The following ZNF454 variants were observed in gnomAD, a reference collection of about 807,000 sequenced individuals.
ZNF454 encodes the protein zinc finger protein 454.
A neutral mutation model predicts 48.2 loss-of-function variants in ZNF454; 30 were observed. The ratio of observed to expected loss-of-function variants is 0.62; its 90% CI spans 0.47 to 0.84. The LOEUF is 0.84. ZNF454 is among the 40% of genes least tolerant of loss of function. ZNF454 has a pLI of 0.00. For synonymous variants in ZNF454, 204 were observed against 211.4 expected, an observed-to-expected ratio of 0.97 and a Z score of 0.30; for missense variants, 510 against 623.1, an observed-to-expected ratio of 0.82 and a Z score of 1.93.
At chr5:178,981,419 T>A in the ZNF454 span, 1 of 498,886 alleles carries the variant, frequency 2.0e-6, no homozygotes, top group Non-Finnish European at 3.6e-6. The surrounding 1 kb of genome is among the most constrained non-coding windows in gnomAD (Gnocchi z 5.1). Flanking sequence ...CGGTGGCTGT[T>A]TCCCACCATG....
chr5:178,987,026 C>G, the ZNF454 span: 3 of 1,600,514 alleles, frequency 1.9e-6, no homozygotes, highest in Non-Finnish European at 2.6e-6. Flanking sequence ...TCCAGCCCAG[C>G]AGAGCTGGCC....
chr5:178,977,271 G>A, the ZNF454 span: 2 of 287,838 alleles, frequency 6.9e-6, no homozygotes, highest in Admixed American at 7.3e-5. Flanking sequence ...GCCTTTGGGA[G>A]GTTATGAAAG....
At chr5:178,968,480 G>T (rs1357715623), downstream of ZNF454, among the ~76,000 whole-genome samples, 1 of 152,170 alleles carries the variant, frequency 6.6e-6, no homozygotes, top group African/African-American at 2.4e-5. Context: ...CCACCTTTGT[G>T]GGCCAGCATC....
chr5:178,985,484 A>T, the ZNF454 span: 39 of 342,694 alleles, frequency 1.1e-4, no homozygotes, highest in Non-Finnish European at 1.9e-4. Context: ...TGGGCGGATC[A>T]CGAGGTCAGG....
At chr5:178,983,297 C>A in the ZNF454 span, 4 of 1,293,152 alleles carry the variant, frequency 3.1e-6, no homozygotes, top group Non-Finnish European at 4.4e-6. Context: ...GAGGCCCCTG[C>A]GGGTCAGGAT....
chr5:178,969,552 A>G (rs1292947702), downstream of ZNF454: 1 of 456,938 alleles, frequency 2.2e-6, no homozygotes, highest in Non-Finnish European at 4.4e-6. Flanking sequence ...CCACCTGGTG[A>G]TGTGCCACCT....
At chr5:178,957,497 C>T (rs551978167) in intron 4 of ZNF454, among the ~76,000 whole-genome samples, 1 of 151,984 alleles carries the variant, frequency 6.6e-6, no homozygotes. Context: ...GCAAGCTCCA[C>T]CTCCTGGGTT....
chr5:178,950,190 A>G (rs1759497784), intron 4 of ZNF454, among the ~76,000 whole-genome samples: 1 of 152,218 alleles, frequency 6.6e-6, no homozygotes. Context: ...ATTTTTAATC[A>G]TAATATGAAA....
At chr5:178,986,049 A>G in the ZNF454 span, 1 of 1,326,482 alleles carries the variant, frequency 7.5e-7, no homozygotes, top group Non-Finnish European at 1.0e-6. Flanking sequence ...GGCGTGTGCC[A>G]CTGTGCCTGG....
At chr5:178,942,256 A>G (rs1759125763) in intron 1 of ZNF454, among the ~76,000 whole-genome samples, 1 of 152,168 alleles carries the variant, frequency 6.6e-6, no homozygotes, top group Non-Finnish European at 1.5e-5. Context: ...AATATAAAAA[A>G]TTAGCCGGGC....
chr5:178,989,296 G>C, the ZNF454 span: 1 of 1,613,156 alleles, frequency 6.2e-7, no homozygotes, highest in Non-Finnish European at 8.5e-7. Flanking sequence ...CGTCTGACTG[G>C]GTACCTGAGC....
chr5:178,974,169 G>T, the ZNF454 span, among the ~76,000 whole-genome samples: 2 of 152,202 alleles, frequency 1.3e-5, no homozygotes, highest in Admixed American at 1.3e-4. Flanking sequence ...ATTCATCCGA[G>T]TTGGCGATAA....
At position 178,941,238 on chromosome 5, in the gene ZNF454, C is replaced by A. The variant is rs1386722203; in HGVS notation, c.-314C>A. On this transcript the variant is annotated 5_prime_UTR_variant, in exon 1 of 5. Coordinates refer to ENST00000519564, the MANE Select transcript of ZNF454 (RefSeq NM_001178089.3). This position sits in a 1 kb window ranked among gnomAD's most constrained non-coding sequence, Gnocchi z 5.5. The stretch of plus-strand genomic sequence containing the variant: ...ACTCCAGCTCATTGTGTTCTGACTG[C>A]GATGTGGCGCTTGCGATCTCTCGCC... The A allele has an allele frequency of 1.8e-5, 7 of 389,922 alleles. No individual in the cohort carries two copies. The highest frequency in any genetic ancestry group is 3.7e-5 in the South Asian group (2 of 53,400). 24.2% of individuals were successfully genotyped at this position (389,922 alleles called of 1,614,324 possible).
intron 2 of ZNF454, among the ~76,000 whole-genome samples, chr5:178,945,933 C>T (rs1010451525): frequency 6.6e-6 from 1 of 151,962 alleles, no homozygotes; most frequent in Non-Finnish European, 1.5e-5. Flanking sequence ...TTGATGGGCC[C>T]TCATAGGCAA....
the ZNF454 span, chr5:178,986,921 A>G: frequency 6.2e-7 from 1 of 1,614,120 alleles, no homozygotes; most frequent in Non-Finnish European, 8.5e-7. Flanking sequence ...TGGTACTGGA[A>G]GATGTCGTAC....
intron 4 of ZNF454, among the ~76,000 whole-genome samples, chr5:178,951,835 A>G (rs893128597): frequency 1.3e-5 from 2 of 152,160 alleles, no homozygotes; most frequent in South Asian, 2.1e-4. Context: ...TGCTCCTTCA[A>G]CTTCACTAGA....
In ZNF454 at chr5:178,965,990, A is replaced by G. The variant is rs1331832253; in HGVS notation, c.*17A>G. On this transcript the variant is annotated 3_prime_UTR_variant, in exon 5 of 5. Coordinates refer to ENST00000519564, the MANE Select transcript of ZNF454 (RefSeq NM_001178089.3). The surrounding 1 kb of genome is among the most constrained non-coding windows in gnomAD (Gnocchi z 5.2). The stretch of plus-strand genomic sequence containing the variant: ...GAGAAGTGATATGAATGCAGTTTGT[A>G]TGGAAGACCTTTGAGACTGAGTAGA... 3 of 1,527,646 alleles carry G rather than the reference A, an allele frequency of 2.0e-6. No individual in the cohort carries two copies. Among genetic ancestry groups the G allele is most frequent in the South Asian group, 1.3e-5 (1 of 77,880 alleles). The allele number at this position is 1,527,646 out of a possible 1,614,324, so 94.6% of individuals were successfully genotyped here.
chr5:178,944,513 C>A lies in ZNF454; in HGVS notation c.33+1689C>A, dbSNP rs935935567. Among the ~76,000 whole-genome samples the A allele has an allele frequency of 6.6e-6, 1 of 152,196 alleles. No individual in the cohort carries two copies. Among genetic ancestry groups the A allele is most frequent in the Non-Finnish European group, 1.5e-5 (1 of 68,032 alleles). On this transcript the variant is annotated intron_variant, in intron 2 of 4. Transcript: ENST00000519564. This position sits in a 1 kb window ranked among gnomAD's most constrained non-coding sequence, Gnocchi z 4.1. ...AAAGTGAACGATAAATGGGCCCTGA[C>A]AAATTGGTTCATGGCTTCCATCCAA...
At chr5:178,973,607 G>GGCGGAT in the ZNF454 span, among the ~76,000 whole-genome samples, 2 of 152,170 alleles carry the variant, frequency 1.3e-5, no homozygotes, top group Admixed American at 6.5e-5. Flanking sequence ...ACTTTGGGAG[G>GGCGGAT]CCGAAGCGGG....
Sources: allele counts gnomAD v4.1 joint callset (sites outside exome capture counted in the v4.1 genomes callset), GRCh38; gene constraint gnomAD v4.1.1; non-coding constraint Gnocchi (gnomAD v3.1); transcripts MANE v1.5; gene names NCBI Gene and HGNC (gene_info 2026-07-23, HGNC 2026-07-21).